Variants in PARN observed in about 807,000 individuals in gnomAD.
The protein encoded by PARN is poly(A)-specific ribonuclease, also known as poly(A)-specific ribonuclease PARN.
In PARN, 71 loss-of-function variants were observed where a neutral mutation model predicts 102.8. That is an observed-to-expected ratio of 0.69 (90% CI 0.57 to 0.84). PARN has a LOEUF of 0.84. Ranked by LOEUF, PARN falls within the 40% of genes least tolerant of loss-of-function variation. PARN has a pLI of 0.00. For synonymous variants in PARN, 261 were observed against 252.9 expected (o/e 1.03, Z -0.30); for missense variants, 782 against 760.9 (o/e 1.03, Z -0.33).
intron 22 of PARN, among the ~76,000 whole-genome samples, chr16:14,467,353 G>C (rs1041676683): frequency 2.6e-5 from 4 of 152,170 alleles, no homozygotes; most frequent in Non-Finnish European, 5.9e-5. Context: ...ACCAAAAGCT[G>C]TAACATCAAG....
chr16:14,602,480 T>TA (rs1416371463), intron 11 of PARN, among the ~76,000 whole-genome samples: 1 of 152,142 alleles, frequency 6.6e-6, no homozygotes, highest in Non-Finnish European at 1.5e-5. Flanking sequence ...TTGCATGTCC[T>TA]AAAAACACTC....
At chr16:14,471,966 T>C (rs1035285316) in intron 22 of PARN, among the ~76,000 whole-genome samples, 7 of 152,230 alleles carry the variant, frequency 4.6e-5, no homozygotes, top group African/African-American at 1.2e-4. Context: ...ATTTTGCTTA[T>C]CCAAATTGTC....
intron 21 of PARN, among the ~76,000 whole-genome samples, chr16:14,497,574 C>A (rs1280667720): frequency 1.3e-5 from 2 of 152,210 alleles, no homozygotes; most frequent in African/African-American, 4.8e-5. Context: ...TCTGCCACAA[C>A]ATTAGTGATA....
intron 18 of PARN, among the ~76,000 whole-genome samples, chr16:14,560,077 C>G (rs1224762646): frequency 6.6e-6 from 1 of 152,220 alleles, no homozygotes; most frequent in Non-Finnish European, 1.5e-5. Context: ...CTCATCCCAG[C>G]TGGCTGTCAA....
intron 22 of PARN, among the ~76,000 whole-genome samples, chr16:14,463,797 C>A (rs1962140210): frequency 6.9e-6 from 1 of 144,272 alleles, no homozygotes; most frequent in South Asian, 2.2e-4. Context: ...GAAAAAAAAT[C>A]TTTCAAAATA....
intron 18 of PARN, chr16:14,558,296 G>A (rs1967829926): frequency 6.6e-6 from 1 of 152,142 alleles, no homozygotes. Context: ...TAGTGAGTTT[G>A]AGACCAGCCT....
chr16:14,536,117 C>T (rs1966596012), intron 21 of PARN, among the ~76,000 whole-genome samples: 1 of 152,124 alleles, frequency 6.6e-6, no homozygotes, highest in Non-Finnish European at 1.5e-5. Flanking sequence ...ATAGTTCCAT[C>T]ACCCTGAAAG....
rs751206162 is a variant in PARN, at chr16:14,584,355, G to C, written c.1073C>G (p.Pro358Arg). Residue 358 changes from proline to arginine, a missense_variant, in exon 16 of 24, where the codon CCT becomes CGT. By Grantham distance (103) the Pro-to-Arg change is moderately radical. Transcript: ENST00000437198. ...CGGTTTAATATTCTTACCAACTTTA[G>C]GAGGGTTGAAAGGTGTCTCTTTTAA... is the stretch of plus-strand genomic sequence containing the variant. ...KRLKETPFNP[P>R]KVESAEGFPS... The C allele has an allele frequency of 1.2e-6, 2 of 1,608,110 alleles. No homozygotes were observed. Among genetic ancestry groups the C allele is most frequent in the Non-Finnish European group, 1.7e-6 (2 of 1,174,672 alleles).
intron 21 of PARN, among the ~76,000 whole-genome samples, 162 bp from the exon 22 acceptor site, chr16:14,482,989 C>T (rs1316330502): frequency 6.6e-6 from 1 of 152,158 alleles, no homozygotes; most frequent in African/African-American, 2.4e-5. Flanking sequence ...TTGGGTACAC[C>T]TGCAAACTCT....
At chr16:14,562,340 C>A (rs1271571806) in intron 18 of PARN, among the ~76,000 whole-genome samples, 1 of 151,160 alleles carries the variant, frequency 6.6e-6, no homozygotes, top group Non-Finnish European at 1.5e-5. Context: ...TGCCTGTAGT[C>A]CGAGCTACTT....
rs912516643 is a variant in PARN, at chr16:14,608,358, T to C, written c.621-39A>G. 5 of 1,331,524 alleles carry C rather than the reference T, an allele frequency of 3.8e-6. No individual in the cohort carries two copies. The Admixed American group carries it at 6.7e-5, about 18-fold the overall frequency. 82.5% of individuals were successfully genotyped at this position (1,331,524 alleles called of 1,614,324 possible). Reference sequence around the variant, plus strand: ...AGAAAAGGTATTGATTTTGGCTCATTAGAAGTAAATCCAAACTGATCAAGC... The same window carrying C: ...AGAAAAGGTATTGATTTTGGCTCATCAGAAGTAAATCCAAACTGATCAAGC... On this transcript the variant is annotated intron_variant, in intron 8 of 23. Coordinates refer to ENST00000437198, the MANE Select transcript of PARN (RefSeq NM_002582.4).
intron 19 of PARN, among the ~76,000 whole-genome samples, chr16:14,555,178 G>A (rs1330516198): frequency 1.3e-5 from 2 of 151,938 alleles, no homozygotes; most frequent in East Asian, 3.9e-4. Flanking sequence ...TGAAATAGCA[G>A]AAAAAAAGCA....
At chr16:14,559,089 C>T (rs1967884917) in intron 18 of PARN, among the ~76,000 whole-genome samples, 1 of 151,888 alleles carries the variant, frequency 6.6e-6, no homozygotes, top group South Asian at 2.1e-4. Context: ...TTTCTGTTTA[C>T]AATTCTGTTA....
At chr16:14,603,163 G>C (rs1406234892) in intron 11 of PARN, among the ~76,000 whole-genome samples, 1 of 152,038 alleles carries the variant, frequency 6.6e-6, no homozygotes, top group African/African-American at 2.4e-5. Flanking sequence ...AGCTCAAAGT[G>C]ATCCTCCCAC....
chr16:14,608,397 G>A, intron 8 of PARN, 78 bp from the exon 9 acceptor site: 2 of 942,574 alleles, frequency 2.1e-6, no homozygotes, highest in South Asian at 1.5e-5. Context: ...TGTTGAGAAG[G>A]ATTTCGCTTT....
At chr16:14,570,396 T>C (rs1968727110) in intron 18 of PARN, among the ~76,000 whole-genome samples, 1 of 146,832 alleles carries the variant, frequency 6.8e-6, no homozygotes, top group African/African-American at 2.5e-5. Flanking sequence ...ATGCCTGCTG[T>C]AATCCCACCA....
At chr16:14,440,625 G>A (rs1960900184) in intron 23 of PARN, among the ~76,000 whole-genome samples, 1 of 152,164 alleles carries the variant, frequency 6.6e-6, no homozygotes, top group Admixed American at 6.5e-5. Flanking sequence ...CCTGGGTGAT[G>A]GATAAATAGT....
chr16:14,613,721 A>G (rs183992121), intron 6 of PARN, among the ~76,000 whole-genome samples: 1 of 152,254 alleles, frequency 6.6e-6, no homozygotes, highest in Non-Finnish European at 1.5e-5. Context: ...GCTTAAAGCA[A>G]GAACTATCAA....
rs748575531 is a variant in PARN, at chr16:14,447,019, A to T, written c.1733T>A (p.Leu578Gln). The T allele has an allele frequency of 6.2e-7, 1 of 1,613,790 alleles. No homozygotes were observed. The highest frequency in any genetic ancestry group is 1.7e-5 in the Admixed American group (1 of 59,996). ...AATCTCCCCTGACACTCCGTCCTCC[A>T]GGCCAGCTTCCTCTTGACTAGGACT... The part of the protein sequence containing the change: ...NLSPSQEEAG[L>Q]EDGVSGEISD... The change falls in exon 23 of 24, where the codon CTG (leucine) becomes CAG (glutamine). Residue 578 changes from leucine (L) to glutamine (Q), a missense_variant. By Grantham distance (113) the Leu-to-Gln change is moderately radical. Transcript: ENST00000437198.
Sources: gnomAD v4.1 joint callset for allele counts (sites outside exome capture counted in the v4.1 genomes callset) on GRCh38, gnomAD v4.1.1 for gene constraint, MANE v1.5 for transcripts, NCBI Gene and HGNC (gene_info 2026-07-23, HGNC 2026-07-21) for gene names.